CHL1: variants seen among roughly 807,000 people sequenced by gnomAD.
CHL1 encodes the protein cell adhesion molecule L1 like.
CHL1 carries 96 observed loss-of-function variants against 141.9 expected under a neutral mutation model. The ratio of observed to expected loss-of-function variants is 0.68; its 90% CI spans 0.57 to 0.80. CHL1 has a LOEUF of 0.80. CHL1 is among the 30% of genes least tolerant of loss of function. The pLI, the probability that CHL1 is intolerant of heterozygous loss-of-function variation, is 0.00. For synonymous variants in CHL1, 613 were observed against 502.2 expected (o/e 1.22, Z -2.95); for missense variants, 1,820 against 1,457.2 (o/e 1.25, Z -4.05).
chr3:366,403 G>A (rs1269798644), intron 15 of CHL1, among the ~76,000 whole-genome samples: 3 of 151,638 alleles, frequency 2.0e-5, no homozygotes, highest in Non-Finnish European at 4.4e-5. Flanking sequence ...CTCAGGAGGC[G>A]GAGGTTGTGG....
chr3:381,918 C>T (rs1430956814), intron 16 of CHL1, among the ~76,000 whole-genome samples: 1 of 151,944 alleles, frequency 6.6e-6, no homozygotes, highest in Non-Finnish European at 1.5e-5. Flanking sequence ...GTGATTCCAG[C>T]TTCCTTGGCT....
In CHL1 at chr3:401,707, A is replaced by G. The variant is rs773529717; in HGVS notation, c.3458+9A>G. 1.3e-6 allele frequency: 2 copies of G among 1,507,636 alleles called. No individual in the cohort carries two copies. Among genetic ancestry groups the G allele is most frequent in the Non-Finnish European group, 1.8e-6 (2 of 1,103,010 alleles). 93.4% of individuals were successfully genotyped at this position (1,507,636 alleles called of 1,614,324 possible). A position where few individuals can be genotyped will look rare whatever the true frequency, so the allele number is the denominator to read the frequency against. On this transcript the variant is annotated intron_variant, in intron 27 of 27. Coordinates refer to ENST00000256509, the MANE Select transcript of CHL1 (RefSeq NM_006614.4). ...ACCTTTGGTGAATACAGGTAAACAT[A>G]AGGTTCTGTTGTAAAATAAAACACA...
At position 360,399 on chromosome 3, in the gene CHL1, T is replaced by G; in HGVS notation, c.1281T>G (p.Leu427=). ...CEASNVHGTI[L]ANANIDVVDV... ...CCTCAAATGTCCATGGAACTATCCT[T>G]GCCAATGCCAATATTGATGTTGTGG... Residue 427 remains leucine (L), a synonymous_variant, in exon 12 of 28, where the codon CTT becomes CTG. Coordinates refer to ENST00000256509, the MANE Select transcript of CHL1 (RefSeq NM_006614.4). 6.2e-7 allele frequency: 1 copy of G among 1,613,704 alleles called. No individual in the cohort carries two copies. Among genetic ancestry groups the G allele is most frequent in the Admixed American group, 1.7e-5 (1 of 59,974 alleles).
chr3:393,212 G>A (rs1350721943), intron 23 of CHL1, among the ~76,000 whole-genome samples: 142 of 112,626 alleles, frequency 1.3e-3, no homozygotes, highest in Admixed American at 0.01. Flanking sequence ...CAGCCTGGGC[G>A]ACAGAGCCAG....
At chr3:237,613 C>G (rs1021179903) in intron 1 of CHL1, among the ~76,000 whole-genome samples, 1 of 152,120 alleles carries the variant, frequency 6.6e-6, no homozygotes, top group Non-Finnish European at 1.5e-5. Context: ...ACATTAGGTT[C>G]GTATCTTGGT....
intron 1 of CHL1, among the ~76,000 whole-genome samples, chr3:223,023 C>A (rs1700995163): frequency 6.6e-6 from 1 of 152,142 alleles, no homozygotes; most frequent in South Asian, 2.1e-4. Flanking sequence ...TATACATTGG[C>A]CCACCCACAT....
intron 2 of CHL1, among the ~76,000 whole-genome samples, chr3:250,028 G>T (rs1350718723): frequency 6.6e-6 from 1 of 151,934 alleles, no homozygotes; most frequent in East Asian, 1.9e-4. Context: ...ATGTAGTGGT[G>T]CAATCATAGC....
At chr3:266,007 CA>C (rs1454684778) in intron 2 of CHL1, among the ~76,000 whole-genome samples, 1 of 152,160 alleles carries the variant, frequency 6.6e-6, no homozygotes, top group African/African-American at 2.4e-5. Flanking sequence ...GTGGCTAACC[CA>C]CTAGGGACAG....
At chr3:246,874 C>A (rs547216375) in intron 2 of CHL1, 1 of 152,082 alleles carries the variant, frequency 6.6e-6, no homozygotes, top group African/African-American at 2.4e-5. Context: ...TAACAGAAGG[C>A]TTAAGTAGTT....
At chr3:227,756 C>G (rs1559300800) in intron 1 of CHL1, among the ~76,000 whole-genome samples, 1 of 152,194 alleles carries the variant, frequency 6.6e-6, no homozygotes, top group Non-Finnish European at 1.5e-5. Context: ...CCTCTTCCTA[C>G]TTCTTCACAT....
chr3:241,277 G>A (rs374690300), intron 1 of CHL1, among the ~76,000 whole-genome samples: 1 of 152,172 alleles, frequency 6.6e-6, no homozygotes, highest in Non-Finnish European at 1.5e-5. Context: ...AAAATGTCTT[G>A]TGAAGCCAAG....
chr3:376,209 A>T (rs1305313968), intron 15 of CHL1, among the ~76,000 whole-genome samples: 1 of 152,180 alleles, frequency 6.6e-6, no homozygotes, highest in African/African-American at 2.4e-5. Context: ...TTTCTTGGGC[A>T]TGGGGAATTT....
intron 2 of CHL1, among the ~76,000 whole-genome samples, chr3:275,559 A>T (rs1057005039): frequency 6.6e-6 from 1 of 152,236 alleles, no homozygotes; most frequent in Non-Finnish European, 1.5e-5. Flanking sequence ...ACCTATAGCA[A>T]AATATTTACT....
chr3:268,855 C>T (rs1695388634), intron 2 of CHL1, among the ~76,000 whole-genome samples: 1 of 152,164 alleles, frequency 6.6e-6, no homozygotes. Context: ...ACCTCTCTTC[C>T]AGTATTCGAG....
intron 2 of CHL1, among the ~76,000 whole-genome samples, chr3:292,032 C>T (rs1476020303): frequency 1.3e-5 from 2 of 152,166 alleles, no homozygotes; most frequent in South Asian, 2.1e-4. Context: ...AAGGTGGAAA[C>T]GATTCCTCTT....
chr3:263,633 A>C (rs903254329), intron 2 of CHL1, among the ~76,000 whole-genome samples: 1 of 152,160 alleles, frequency 6.6e-6, no homozygotes, highest in Non-Finnish European at 1.5e-5. Flanking sequence ...TCTAGCTTTG[A>C]TTTATTCACA....
intron 2 of CHL1, among the ~76,000 whole-genome samples, chr3:314,098 T>A (rs1205234234): frequency 6.6e-6 from 1 of 151,902 alleles, no homozygotes; most frequent in Admixed American, 6.6e-5. Context: ...TGTTTTTTAT[T>A]TTTATTTTAG....
Position 344,576 on chromosome 3 carries a change from T to C in CHL1, c.728-13T>C, listed in dbSNP as rs764453680. 1 of 1,598,264 alleles carries C rather than the reference T, an allele frequency of 6.3e-7. No individual in the cohort carries two copies. The highest frequency in any genetic ancestry group is 8.5e-7 in the Non-Finnish European group (1 of 1,174,138). ...ATTTGAAAAAATTCTGACTTTTCTTTTCTATTTTGTAGCAAATTCCATCAA... is the reference window on the plus strand; with the variant it reads ...ATTTGAAAAAATTCTGACTTTTCTTCTCTATTTTGTAGCAAATTCCATCAA... On this transcript the variant is annotated splice_polypyrimidine_tract_variant and intron_variant, in intron 8 of 27. Transcript: ENST00000256509.
chr3:368,090 T>C (rs769627528), intron 15 of CHL1, among the ~76,000 whole-genome samples: 2 of 152,212 alleles, frequency 1.3e-5, no homozygotes, highest in African/African-American at 2.4e-5. Flanking sequence ...TAGAATGATA[T>C]ATATTCTGTT....
Sources: gnomAD v4.1 joint callset for allele counts (sites outside exome capture counted in the v4.1 genomes callset) on GRCh38, gnomAD v4.1.1 for gene constraint, MANE v1.5 for transcripts, NCBI Gene and HGNC (gene_info 2026-07-23, HGNC 2026-07-21) for gene names.